Variants in CYB5R4 observed in about 807,000 individuals in gnomAD.
CYB5R4 encodes the protein N-terminal cytochrome b5 and cytochrome b5 oxidoreductase domain-containing protein.
A neutral mutation model predicts 70.2 loss-of-function variants in CYB5R4; 55 were observed. That is an observed-to-expected ratio of 0.78 (90% CI 0.63 to 0.98). The LOEUF (loss-of-function observed/expected upper bound fraction) is 0.98, where lower values mean the gene tolerates loss of function less well. Ranked by LOEUF, CYB5R4 falls within the 50% of genes least tolerant of loss-of-function variation. The pLI, the probability that CYB5R4 is intolerant of heterozygous loss-of-function variation, is 0.00. For synonymous variants in CYB5R4, 197 were observed against 199.5 expected (o/e 0.99, Z 0.11); for missense variants, 562 against 612.6 (o/e 0.92, Z 0.87).
chr6:83,894,519 T>C (rs1327731017), intron 3 of CYB5R4, among the ~76,000 whole-genome samples: 1 of 152,196 alleles, frequency 6.6e-6, no homozygotes, highest in African/African-American at 2.4e-5. Flanking sequence ...ATTTGTTTTA[T>C]ATAGTTGACC....
At chr6:83,860,003 C>A (rs1588555433) in intron 1 of CYB5R4, 146 bp downstream of exon 1, 4 of 731,582 alleles carry the variant, frequency 5.5e-6, no homozygotes, top group Non-Finnish European at 6.6e-6. Context: ...TCTTTCTGAT[C>A]CCACTTTGTC....
intron 2 of CYB5R4, among the ~76,000 whole-genome samples, chr6:83,883,513 G>A (rs1399633228): frequency 1.3e-5 from 2 of 152,118 alleles, no homozygotes; most frequent in Non-Finnish European, 2.9e-5. Context: ...GACTGCTGAA[G>A]GAAAAGTAAC....
intron 2 of CYB5R4, among the ~76,000 whole-genome samples, chr6:83,882,664 T>C (rs1285292126): frequency 6.6e-6 from 1 of 152,144 alleles, no homozygotes; most frequent in Non-Finnish European, 1.5e-5. Context: ...AAGCACTATT[T>C]ATAACTGTGC....
At chr6:83,955,535 G>A (rs1315899794) in intron 15 of CYB5R4, 73 bp downstream of exon 15, 1 of 1,370,324 alleles carries the variant, frequency 7.3e-7, no homozygotes, top group Admixed American at 2.2e-5. Context: ...GCATCTCTCA[G>A]TTCTTCCTGT....
intron 2 of CYB5R4, among the ~76,000 whole-genome samples, chr6:83,887,801 A>G: frequency 6.6e-6 from 1 of 151,952 alleles, no homozygotes; most frequent in East Asian, 1.9e-4. Context: ...GGGTGAATGG[A>G]TAGATGGATG....
chr6:83,905,807 C>A (rs1313572454), intron 3 of CYB5R4, among the ~76,000 whole-genome samples: 1 of 151,994 alleles, frequency 6.6e-6, no homozygotes, highest in African/African-American at 2.4e-5. Context: ...AGGATGACCT[C>A]TGGGTCCCAG....
At chr6:83,919,505 A>G (rs1457840638) in intron 7 of CYB5R4, 51 bp downstream of exon 7, 4 of 989,758 alleles carry the variant, frequency 4.0e-6, no homozygotes, top group African/African-American at 3.4e-5. Flanking sequence ...ATGTTAATTT[A>G]TGTACCAGGT....
chr6:83,888,671 T>G lies in CYB5R4; in HGVS notation c.230-4851T>G, dbSNP rs1292294896. ...CCCTGAGACCCAACAATATTGAGAT[T>G]AGGACAATTAATATCCCTACATTGG... On this transcript the variant is annotated intron_variant, in intron 2 of 15. Transcript: ENST00000369681. Among the ~76,000 whole-genome samples the G allele has an allele frequency of 3.3e-5, 5 of 152,278 alleles. No individual in the cohort carries two copies. In the East Asian group the frequency reaches 9.7e-4, roughly 29 times the overall value.
At chr6:83,904,403 A>G (rs2099463448) in intron 3 of CYB5R4, among the ~76,000 whole-genome samples, 2 of 152,200 alleles carry the variant, frequency 1.3e-5, no homozygotes, top group African/African-American at 4.8e-5. Flanking sequence ...TATACTCAAG[A>G]GGATTTCAGT....
rs368258999 is a variant in CYB5R4, at chr6:83,955,344, G to A, written c.1393G>A (p.Gly465Ser). The A allele has an allele frequency of 1.7e-5, 27 of 1,613,714 alleles. No homozygotes were observed. The African/African-American group carries it at 3.5e-4, about 21-fold the overall frequency. Residue 465 changes from glycine to serine, a missense_variant, in exon 15 of 16, where the codon GGC becomes AGC. Gly to Ser is a moderately conservative substitution (Grantham distance 56). Coordinates refer to ENST00000369681, the MANE Select transcript of CYB5R4 (RefSeq NM_016230.4). Reference sequence around the variant, plus strand: ...CTCAGCACCTATTTCTGAATGGAATGGCAAACAGGGACATATTTCACCAGC... The same window carrying A: ...CTCAGCACCTATTTCTGAATGGAATAGCAAACAGGGACATATTTCACCAGC... The part of the protein sequence containing the change: ...VLSAPISEWN[G>S]KQGHISPALL...
intron 3 of CYB5R4, among the ~76,000 whole-genome samples, chr6:83,899,211 T>G (rs2099462442): frequency 6.6e-6 from 1 of 152,240 alleles, no homozygotes; most frequent in South Asian, 2.1e-4. Flanking sequence ...TTTCTGCATC[T>G]ATTGAGATAA....
At chr6:83,948,672 T>C (rs2099471043) in intron 14 of CYB5R4, among the ~76,000 whole-genome samples, 1 of 152,190 alleles carries the variant, frequency 6.6e-6, no homozygotes, top group African/African-American at 2.4e-5. Flanking sequence ...TACTTTTGAC[T>C]TCAACTTGAT....
chr6:83,869,604 G>A (rs751950181), intron 2 of CYB5R4, among the ~76,000 whole-genome samples: 5 of 152,158 alleles, frequency 3.3e-5, no homozygotes, highest in Non-Finnish European at 7.3e-5. Flanking sequence ...CAAGGCAGGC[G>A]GATCACCTGA....
intron 10 of CYB5R4, among the ~76,000 whole-genome samples, chr6:83,934,382 A>G (rs1191358235): frequency 2.0e-5 from 3 of 152,188 alleles, no homozygotes; most frequent in Non-Finnish European, 4.4e-5. Flanking sequence ...TTCAAGTTAT[A>G]GAAGTATTTA....
In CYB5R4 at chr6:83,940,582, T is replaced by C. The variant is rs775759558; in HGVS notation, c.1327T>C (p.Leu443=). The part of the protein sequence containing the change: ...DIIWRSQLEK[L]AFKDKRLDVE... Reference sequence around the variant, plus strand: ...AATTTGGAGAAGCCAATTGGAGAAATTAGCATTTAAAGATAAAAGGTATTA... The same window carrying C: ...AATTTGGAGAAGCCAATTGGAGAAACTAGCATTTAAAGATAAAAGGTATTA... Residue 443 remains leucine (L), a synonymous_variant, in exon 14 of 16, where the codon TTA becomes CTA. Transcript: ENST00000369681. 2 of 1,601,696 alleles carry C rather than the reference T, an allele frequency of 1.2e-6. No homozygotes were observed. The highest frequency in any genetic ancestry group is 3.5e-5 in the Admixed American group (2 of 57,178).
At chr6:83,950,485 C>T (rs967011614) in intron 14 of CYB5R4, among the ~76,000 whole-genome samples, 4 of 152,164 alleles carry the variant, frequency 2.6e-5, no homozygotes, top group African/African-American at 9.7e-5. Context: ...AATGCCCTAG[C>T]TCTGTGATGT....
In CYB5R4 at chr6:83,864,329, G is replaced by A. The variant is rs758293898; in HGVS notation, c.229+1G>A. 6.2e-7 allele frequency: 1 copy of A among 1,607,754 alleles called. No individual in the cohort carries two copies. The highest frequency in any genetic ancestry group is 1.7e-5 in the Admixed American group (1 of 58,696). ...GATGATTGTTGGATATGCATAAGAG[G>A]TAGGTGGTATTTATTAAGTCCTTCA... is the stretch of plus-strand genomic sequence containing the variant. On this transcript the variant is annotated splice_donor_variant, in intron 2 of 15. Transcript: ENST00000369681. LOFTEE classifies it high-confidence loss of function.
chr6:83,904,668 T>C (rs1029039584), intron 3 of CYB5R4, among the ~76,000 whole-genome samples: 1 of 152,220 alleles, frequency 6.6e-6, no homozygotes, highest in African/African-American at 2.4e-5. Context: ...TCTCTCTCTC[T>C]TTAGATCAAA....
chr6:83,893,601 T>C lies in CYB5R4; in HGVS notation c.309T>C (p.Asp103=), dbSNP rs746250827. Residue 103 remains aspartate, a synonymous_variant, in exon 3 of 16, where the codon GAT becomes GAC. Coordinates refer to ENST00000369681, the MANE Select transcript of CYB5R4 (RefSeq NM_016230.4). ...EDELMRAAGS[D]GTELFDQVHR... ...AACTAATGAGAGCAGCAGGATCAGA[T>C]GGTACTGAACTTTTTGATCAGGTAA... 3.1e-6 allele frequency: 5 copies of C among 1,611,570 alleles called. No homozygotes were observed. The highest frequency in any genetic ancestry group is 4.2e-6 in the Non-Finnish European group (5 of 1,178,054).
Sources: gnomAD v4.1 joint callset for allele counts (sites outside exome capture counted in the v4.1 genomes callset) on GRCh38, gnomAD v4.1.1 for gene constraint, MANE v1.5 for transcripts, NCBI Gene and HGNC (gene_info 2026-07-23, HGNC 2026-07-21) for gene names.